The following PLAGL1 variants were observed in gnomAD, a reference collection of about 807,000 sequenced individuals.
PLAGL1 encodes zinc finger protein PLAGL1.
A neutral mutation model predicts 4.6 loss-of-function variants in PLAGL1; 1 was observed. The observed-to-expected ratio is 0.22, with a 90% CI of 0.08 to 1.03. The LOEUF (loss-of-function observed/expected upper bound fraction) is 1.03. Ranked by LOEUF, PLAGL1 falls within the 50% of genes least tolerant of loss-of-function variation. PLAGL1 has a pLI of 0.58. For missense variants in PLAGL1, 464 were observed against 570.4 expected, an observed-to-expected ratio of 0.81 and a Z score of 1.90; for synonymous variants, 240 against 237.8, an observed-to-expected ratio of 1.01 and a Z score of -0.08.
rs1435296009 is a variant in PLAGL1 at position 143,950,738 on chromosome 6, A to C, written c.-324-2278T>G. On this transcript the variant is annotated intron_variant, in intron 6 of 7. Coordinates refer to ENST00000674357, the MANE Select transcript of PLAGL1 (RefSeq NM_001317162.2). This position sits in a 1 kb window ranked among gnomAD's most constrained non-coding sequence, Gnocchi z 6.3. ...CCTGCATATACACTTTTCTCAACTT[A>C]TCTCAGTAAGTTGATTCTCCCCAAT... Among the ~76,000 whole-genome samples, 2 of 152,130 alleles carry C rather than the reference A, an allele frequency of 1.3e-5. No individual in the cohort carries two copies. Among genetic ancestry groups the C allele is most frequent in the East Asian group, 3.9e-4 (2 of 5,190 alleles).
chr6:144,001,789 ATTC>A (rs1287147371), intron 1 of PLAGL1, among the ~76,000 whole-genome samples: 1 of 152,188 alleles, frequency 6.6e-6, no homozygotes, highest in Non-Finnish European at 1.5e-5. Context: ...GCTCTGCGAT[ATTC>A]TTCTCTCAAA....
Position 144,027,731 on chromosome 6 carries a change from G to C in PLAGL1, c.-151+36737C>G, listed in dbSNP as rs112528617. Among the ~76,000 whole-genome samples, 132 of 152,302 alleles carry C rather than the reference G, an allele frequency of 8.7e-4. No homozygotes were observed. The highest frequency in any genetic ancestry group is 2.9e-3 in the African/African-American group (121 of 41,566). ...GGTTATATATTTAAAAGTCTCTTTA[G>C]TGGGAAACACTTCGCTCTGTCAGGG... is the stretch of plus-strand genomic sequence containing the variant. On this transcript the variant is annotated intron_variant, in intron 1 of 3. Transcript: ENST00000437412. This position sits in a 1 kb window ranked among gnomAD's most constrained non-coding sequence, Gnocchi z 5.8.
At position 143,985,012 on chromosome 6, in the gene PLAGL1, C is replaced by T. The variant is rs923997632; in HGVS notation, c.-544+123G>A. On this transcript the variant is annotated intron_variant, in intron 2 of 7. Coordinates refer to ENST00000674357, the MANE Select transcript of PLAGL1 (RefSeq NM_001317162.2). This position sits in a 1 kb window ranked among gnomAD's most constrained non-coding sequence, Gnocchi z 4.4. ...GACAGACTTTAAAATAATTTAAGAACCAAATAACAAAAAAGTTTTGCTCCA... is the reference window on the plus strand; with the variant it reads ...GACAGACTTTAAAATAATTTAAGAATCAAATAACAAAAAAGTTTTGCTCCA... 4 of 151,990 alleles carry T rather than the reference C, an allele frequency of 2.6e-5. No individual in the cohort carries two copies. Among genetic ancestry groups the T allele is most frequent in the African/African-American group, 4.8e-5 (2 of 41,378 alleles). 9.4% of individuals were successfully genotyped at this position (151,990 alleles called of 1,614,324 possible). A position where few individuals can be genotyped will look rare whatever the true frequency, so the allele number is the denominator to read the frequency against.
chr6:144,045,154 C>A (rs1414689244), intron 1 of PLAGL1, among the ~76,000 whole-genome samples: 1 of 151,874 alleles, frequency 6.6e-6, no homozygotes, highest in Non-Finnish European at 1.5e-5. Flanking sequence ...CAGTCTGTGT[C>A]TTTTAATTGG....
At chr6:144,037,431 A>C (rs1031557862) in intron 1 of PLAGL1, 3 of 151,538 alleles carry the variant, frequency 2.0e-5, no homozygotes, top group Non-Finnish European at 4.4e-5. Flanking sequence ...AAAAAAAAAA[A>C]AAAAAAAATA....
intron 1 of PLAGL1, among the ~76,000 whole-genome samples, chr6:143,993,328 CAAAA>C (rs1378714646): frequency 1.3e-5 from 1 of 75,194 alleles, no homozygotes; most frequent in African/African-American, 4.7e-5. Context: ...AAAAACAAAA[CAAAA>C]CACACACACA....
At chr6:144,009,378 T>C (rs1794956265), upstream of PLAGL1, among the ~76,000 whole-genome samples, 1 of 152,210 alleles carries the variant, frequency 6.6e-6, no homozygotes, top group African/African-American at 2.4e-5. Context: ...GTCATATTCC[T>C]AAGGAGGGTT....
At chr6:144,024,879 C>G (rs1052719782) in intron 1 of PLAGL1, among the ~76,000 whole-genome samples, 1 of 152,044 alleles carries the variant, frequency 6.6e-6, no homozygotes, top group Non-Finnish European at 1.5e-5. Flanking sequence ...CATACTGATA[C>G]AAATAATTGA....
At chr6:144,025,989 G>A (rs1253663261) in intron 1 of PLAGL1, among the ~76,000 whole-genome samples, 2 of 152,088 alleles carry the variant, frequency 1.3e-5, no homozygotes, top group Non-Finnish European at 2.9e-5. Context: ...TATATAACAC[G>A]AATACTAAGT....
rs1366202868 is a variant in PLAGL1 at position 143,940,825 on chromosome 6, AATATTCAAACTACATTT to A, written c.*582_*598del. The A allele has an allele frequency of 6.6e-6, 1 of 152,586 alleles. No homozygotes were observed. 9.5% of individuals were successfully genotyped at this position (152,586 alleles called of 1,614,324 possible). On this transcript the variant is annotated 3_prime_UTR_variant, in exon 8 of 8. Transcript: ENST00000674357. ...ACTCACATTGCAGCATCTTGTGGAA[AATATTCAAACTACATTT>A]AAAATGCTTCTGTAAAATGGAGAAC...
intron 1 of PLAGL1, among the ~76,000 whole-genome samples, chr6:144,017,347 T>C (rs768020263): frequency 6.6e-6 from 1 of 151,366 alleles, no homozygotes; most frequent in Non-Finnish European, 1.5e-5. Context: ...CTCTTGCCAC[T>C]ATTTGCAATG....
chr6:143,955,518 G>C lies in PLAGL1; in HGVS notation c.-325+4951C>G, dbSNP rs1366973636. 6.6e-6 allele frequency among the ~76,000 whole-genome samples: 1 copy of C among 152,174 alleles called. No homozygotes were observed. The highest frequency in any genetic ancestry group is 1.5e-5 in the Non-Finnish European group (1 of 68,040). ...GGCGGGAAGAGAAGAGGTAGAAATA[G>C]GTAGAGAATGCCAATAAAATGCTGT... is the stretch of plus-strand genomic sequence containing the variant. On this transcript the variant is annotated intron_variant, in intron 6 of 7. Transcript: ENST00000674357. This position sits in a 1 kb window ranked among gnomAD's most constrained non-coding sequence, Gnocchi z 4.9.
chr6:144,057,481 C>A (rs1799057790), intron 1 of PLAGL1, among the ~76,000 whole-genome samples: 1 of 152,200 alleles, frequency 6.6e-6, no homozygotes, highest in African/African-American at 2.4e-5. Flanking sequence ...TGTGCCAGCA[C>A]CCGTGCCACT....
intron 1 of PLAGL1, among the ~76,000 whole-genome samples, chr6:144,002,972 T>C (rs1793241750): frequency 6.6e-6 from 1 of 151,884 alleles, no homozygotes; most frequent in East Asian, 1.9e-4. Flanking sequence ...AACATTTGTT[T>C]AAAAGAACAA....
chr6:144,057,069 C>G (rs1799026881), intron 1 of PLAGL1, among the ~76,000 whole-genome samples: 1 of 152,160 alleles, frequency 6.6e-6, no homozygotes, highest in East Asian at 1.9e-4. Context: ...AATAAAGCTG[C>G]TGTTAACATC....
rs1022332460 is a variant in PLAGL1 at position 144,017,836 on chromosome 6, C to G, written c.-151+46632G>C. ...CCTCTGATCATAACTTCCTGCTCTT[C>G]CTGGTTTCTCACTCTCTCACTCACA... On this transcript the variant is annotated intron_variant, in intron 1 of 3. Transcript: ENST00000437412. Among the ~76,000 whole-genome samples, 5 of 152,206 alleles carry G rather than the reference C, an allele frequency of 3.3e-5. 1 individual carries two copies. The highest frequency in any genetic ancestry group is 2.6e-4 in the Admixed American group (4 of 15,286).
At position 143,957,309 on chromosome 6, in the gene PLAGL1, A is replaced by AG. The variant is rs1782368928; in HGVS notation, c.-325+3159dup. On this transcript the variant is annotated intron_variant, in intron 6 of 7. Coordinates refer to ENST00000674357, the MANE Select transcript of PLAGL1 (RefSeq NM_001317162.2). The surrounding 1 kb of genome is among the most constrained non-coding windows in gnomAD (Gnocchi z 4.2). ...CTCTCAGGAGTCTGGTGGGGGGGTG[A>AG]GGGGTGGAGAGCAACTCCCAAAATC... Among the ~76,000 whole-genome samples the AG allele has an allele frequency of 6.6e-6, 1 of 152,032 alleles. No individual in the cohort carries two copies. Among genetic ancestry groups the AG allele is most frequent in the Non-Finnish European group, 1.5e-5 (1 of 67,990 alleles).
rs2128672902 is a variant in PLAGL1 at position 144,006,055 on chromosome 6, T to C, written c.-584+2035A>G. On this transcript the variant is annotated intron_variant, in intron 1 of 7. Transcript: ENST00000674357. This position sits in a 1 kb window ranked among gnomAD's most constrained non-coding sequence, Gnocchi z 4.3. ...CTTTTGGGAAAGCAAACACACCAAA[T>C]GATGTTTTCTCCTAAATGCTTTTTG... The C allele has an allele frequency of 6.6e-6, 1 of 152,270 alleles. No individual in the cohort carries two copies. The highest frequency in any genetic ancestry group is 2.4e-5 in the African/African-American group (1 of 41,572). The allele number at this position is 152,270 out of a possible 1,614,324, so 9.4% of individuals were successfully genotyped here. A position where few individuals can be genotyped will look rare whatever the true frequency, so the allele number is the denominator to read the frequency against.
intron 1 of PLAGL1, among the ~76,000 whole-genome samples, chr6:144,045,908 ACTT>A (rs1798110626): frequency 6.6e-6 from 1 of 151,748 alleles, no homozygotes; most frequent in Non-Finnish European, 1.5e-5. Context: ...TTTTCTCTAA[ACTT>A]CTCTTCTCAC....
Sources: gnomAD v4.1 joint callset for allele counts (sites outside exome capture counted in the v4.1 genomes callset) on GRCh38, gnomAD v4.1.1 for gene constraint, Gnocchi (gnomAD v3.1) non-coding constraint, MANE v1.5 for transcripts, NCBI Gene and HGNC (gene_info 2026-07-23, HGNC 2026-07-21) for gene names.